Variants in SGMS1 observed in about 807,000 individuals in gnomAD.
SGMS1 encodes phosphatidylcholine:ceramide cholinephosphotransferase 1.
A neutral mutation model predicts 46.2 loss-of-function variants in SGMS1; 13 were observed. The observed-to-expected ratio is 0.28, with a 90% CI of 0.18 to 0.45. The LOEUF is 0.45. SGMS1 is among the 20% of genes least tolerant of loss of function. SGMS1 has a pLI of 1.00. For missense variants in SGMS1, 324 were observed against 519.9 expected, an observed-to-expected ratio of 0.62 and a Z score of 3.66; for synonymous variants, 203 against 187.8, an observed-to-expected ratio of 1.08 and a Z score of -0.66.
intron 6 of SGMS1, among the ~76,000 whole-genome samples, chr10:50,398,685 C>T (rs540972698): frequency 6.6e-6 from 1 of 152,180 alleles, no homozygotes; most frequent in South Asian, 2.1e-4. Context: ...ACTATCAAGC[C>T]ACCACATGAA....
chr10:50,327,352 T>C, intron 7 of SGMS1, 30 bp from the exon 8 acceptor site: 1 of 1,283,980 alleles, frequency 7.8e-7, no homozygotes, highest in South Asian at 1.3e-5. Context: ...GGGCAGATTC[T>C]CAGTCAAGAA....
intron 2 of SGMS1, among the ~76,000 whole-genome samples, chr10:50,586,949 A>G (rs950249762): frequency 8.5e-5 from 13 of 152,252 alleles, no homozygotes; most frequent in Non-Finnish European, 1.6e-4. Flanking sequence ...GGAATGCTCT[A>G]AAGAAATGAA....
intron 8 of SGMS1, among the ~76,000 whole-genome samples, chr10:50,313,567 G>C (rs941541799): frequency 3.3e-5 from 5 of 152,098 alleles, no homozygotes; most frequent in African/African-American, 9.7e-5. Flanking sequence ...TTTTTTTAAA[G>C]TTTCAAATTA....
chr10:50,401,192 A>G (rs1370672050), intron 6 of SGMS1, among the ~76,000 whole-genome samples: 2 of 152,172 alleles, frequency 1.3e-5, no homozygotes, highest in Admixed American at 6.5e-5. Flanking sequence ...CAAGTTCTAA[A>G]CTAGCCCCAA....
intron 6 of SGMS1, among the ~76,000 whole-genome samples, chr10:50,428,718 A>G (rs1233674153): frequency 6.6e-6 from 1 of 152,114 alleles, no homozygotes; most frequent in East Asian, 1.9e-4. Flanking sequence ...GTACTCTCTC[A>G]CCCACCTTAG....
At chr10:50,582,110 A>G (rs1838440534) in intron 2 of SGMS1, among the ~76,000 whole-genome samples, 1 of 152,218 alleles carries the variant, frequency 6.6e-6, no homozygotes, top group Admixed American at 6.5e-5. Context: ...GGCAGAGAGC[A>G]CCAAAATTGT....
intron 7 of SGMS1, among the ~76,000 whole-genome samples, chr10:50,340,853 T>A (rs1472620888): frequency 6.6e-6 from 1 of 152,248 alleles, no homozygotes; most frequent in Non-Finnish European, 1.5e-5. Flanking sequence ...TTCCATCCCA[T>A]GATTCTTCTC....
At chr10:50,495,789 G>A (rs1456333164) in intron 3 of SGMS1, among the ~76,000 whole-genome samples, 3 of 151,274 alleles carry the variant, frequency 2.0e-5, no homozygotes, top group Non-Finnish European at 2.9e-5. Context: ...AGCAAAGTTT[G>A]GAATAGTATG....
intron 8 of SGMS1, among the ~76,000 whole-genome samples, chr10:50,321,336 C>T (rs1847439933): frequency 1.3e-5 from 2 of 152,274 alleles, no homozygotes; most frequent in Non-Finnish European, 2.9e-5. Flanking sequence ...CTAAAATCTT[C>T]CTCTTTTTGT....
intron 3 of SGMS1, among the ~76,000 whole-genome samples, chr10:50,488,337 G>C (rs1334345575): frequency 6.6e-6 from 1 of 151,982 alleles, no homozygotes; most frequent in South Asian, 2.1e-4. Context: ...CTTAAAACAA[G>C]AGCCTCCAGA....
At chr10:50,624,939 C>T (rs1457294048), upstream of SGMS1, 4 of 1,018,446 alleles carry the variant, frequency 3.9e-6, no homozygotes, top group African/African-American at 5.2e-5. Flanking sequence ...GTCCGCGGCG[C>T]TCCGGGCAGC....
intron 3 of SGMS1, among the ~76,000 whole-genome samples, chr10:50,468,152 A>G (rs1049896222): frequency 6.6e-6 from 1 of 152,202 alleles, no homozygotes. Context: ...TCCAATTCCT[A>G]TGAAGCCTGT....
chr10:50,421,292 G>A (rs1588809785), intron 6 of SGMS1, among the ~76,000 whole-genome samples: 1 of 152,260 alleles, frequency 6.6e-6, no homozygotes, highest in East Asian at 1.9e-4. Context: ...CCCTAAAGCT[G>A]AGGGCACATT....
chr10:50,574,979 A>ATATATATATATATATATATATATATATT (rs1838370202), intron 2 of SGMS1, among the ~76,000 whole-genome samples: 1 of 115,066 alleles, frequency 8.7e-6, no homozygotes, highest in Non-Finnish European at 2.2e-5. Flanking sequence ...ATATATATAT[A>ATATATATATATATATATATATATATATT]TATATAAAAC....
At chr10:50,509,867 T>C (rs1468178153) in intron 3 of SGMS1, among the ~76,000 whole-genome samples, 1 of 152,212 alleles carries the variant, frequency 6.6e-6, no homozygotes, top group East Asian at 1.9e-4. Context: ...CAATTATTTA[T>C]TTTTGTTGGT....
At chr10:50,578,707 T>A (rs1413462684) in intron 2 of SGMS1, among the ~76,000 whole-genome samples, 2 of 152,194 alleles carry the variant, frequency 1.3e-5, no homozygotes, top group Admixed American at 6.5e-5. Flanking sequence ...ATTTTTTTTT[T>A]AAGACTTCTA....
intron 3 of SGMS1, among the ~76,000 whole-genome samples, chr10:50,500,760 T>TA (rs1345094666): frequency 6.6e-6 from 1 of 152,230 alleles, no homozygotes; most frequent in Non-Finnish European, 1.5e-5. Flanking sequence ...AAGTCCATAC[T>TA]AACTTTTTTC....
rs2133500560 is a variant in SGMS1, at chr10:50,389,030, T to C, written c.-232+44446A>G. ...CCACAAAAACAAAAATTGAGTAACATATGAAATGATAGTTTCACTATAGTA... is the reference window on the plus strand; with the variant it reads ...CCACAAAAACAAAAATTGAGTAACACATGAAATGATAGTTTCACTATAGTA... On this transcript the variant is annotated intron_variant, in intron 6 of 10. Coordinates refer to ENST00000361781, the MANE Select transcript of SGMS1 (RefSeq NM_147156.4). Among the ~76,000 whole-genome samples the C allele has an allele frequency of 1.3e-5, 2 of 152,332 alleles. 1 individual carries two copies. Among genetic ancestry groups the C allele is most frequent in the South Asian group, 4.1e-4 (2 of 4,826 alleles).
At chr10:50,622,872 G>A (rs1174193913) in intron 1 of SGMS1, among the ~76,000 whole-genome samples, 1 of 152,272 alleles carries the variant, frequency 6.6e-6, no homozygotes, top group Non-Finnish European at 1.5e-5. Flanking sequence ...TTCGGGTTAA[G>A]ACGGTGGGAG....
Sources: gnomAD v4.1 joint callset for allele counts (sites outside exome capture counted in the v4.1 genomes callset) on GRCh38, gnomAD v4.1.1 for gene constraint, MANE v1.5 for transcripts, NCBI Gene and HGNC (gene_info 2026-07-23, HGNC 2026-07-21) for gene names.